Variants in PROS1 observed in about 807,000 individuals in gnomAD.
PROS1 encodes protein S, also known as vitamin K-dependent protein S.
PROS1 carries 29 observed loss-of-function variants against 75.9 expected under a neutral mutation model. The observed-to-expected ratio is 0.38, with a 90% CI of 0.28 to 0.52. PROS1 has a LOEUF of 0.52. Among genes scored for constraint, PROS1 ranks in the 20% least tolerant of loss-of-function variants. PROS1 has a pLI of 0.83. For synonymous variants in PROS1, 245 were observed against 280.6 expected (o/e 0.87, Z 1.27); for missense variants, 680 against 810.3 (o/e 0.84, Z 1.95).
chr3:93,940,291 T>G (rs1451105755), intron 1 of PROS1, among the ~76,000 whole-genome samples: 2 of 152,126 alleles, frequency 1.3e-5, no homozygotes, highest in African/African-American at 4.8e-5. Context: ...CACTGCCCGA[T>G]TGCCTCGGAA....
Position 93,884,859 on chromosome 3 carries a change from T to C in PROS1, c.1361A>G (p.Asn454Ser), listed in dbSNP as rs142464892. 6.2e-7 allele frequency: 1 copy of C among 1,613,230 alleles called. No individual in the cohort carries two copies. Among genetic ancestry groups the C allele is most frequent in the African/African-American group, 1.3e-5 (1 of 74,896 alleles). Reference sequence around the variant, plus strand: ...TCCAGAAGCTCCTTGCTTCATCAAATTCCAGCTTCGTATACATCCATCTAG... The same window carrying C: ...TCCAGAAGCTCCTTGCTTCATCAAACTCCAGCTTCGTATACATCCATCTAG... Reference protein sequence around the residue: ...PRLDGCIRSWNLMKQGASGIK... With the variant: ...PRLDGCIRSWSLMKQGASGIK... Residue 454 changes from asparagine to serine, a missense_variant, in exon 12 of 15, where the codon AAT becomes AGT. Coordinates refer to ENST00000394236, the MANE Select transcript of PROS1 (RefSeq NM_000313.4).
chr3:93,910,706 C>T lies in PROS1; in HGVS notation c.260-1G>A. On this transcript the variant is annotated splice_acceptor_variant, in intron 3 of 14. Coordinates refer to ENST00000394236, the MANE Select transcript of PROS1 (RefSeq NM_000313.4). LOFTEE classifies it high-confidence loss of function. ...CCAGTTTGAAAAGAGCGAAGACAAA[C>T]TGAAAATAAAAACAAACATAATCTT... 1 of 1,609,832 alleles carries T rather than the reference C, an allele frequency of 6.2e-7. No homozygotes were observed. Among genetic ancestry groups the T allele is most frequent in the Non-Finnish European group, 8.5e-7 (1 of 1,177,048 alleles).
At chr3:93,944,070 C>T (rs1443631469) in intron 1 of PROS1, among the ~76,000 whole-genome samples, 2 of 152,122 alleles carry the variant, frequency 1.3e-5, no homozygotes, top group African/African-American at 2.4e-5. Context: ...ATGAGTGTGA[C>T]AGTAAAATAA....
chr3:93,955,389 T>G (rs955811507), intron 1 of PROS1, among the ~76,000 whole-genome samples: 5 of 152,328 alleles, frequency 3.3e-5, no homozygotes, highest in Admixed American at 2.6e-4. Context: ...TGGAATACTA[T>G]GCAGTCATAA....
At chr3:93,965,064 TAGTC>T (rs1462168678) in intron 1 of PROS1, among the ~76,000 whole-genome samples, 3 of 152,112 alleles carry the variant, frequency 2.0e-5, no homozygotes, top group African/African-American at 4.8e-5. Context: ...GGTAAAGAAA[TAGTC>T]AATCAACTAT....
rs139368287 is a variant in PROS1 at position 93,973,451 on chromosome 3, T to A, written c.76+223A>T. 6.5e-4 allele frequency: 385 copies of A among 590,964 alleles called. 1 individual carries two copies. The East Asian group carries it at 0.011, about 17-fold the overall frequency. The allele number at this position is 590,964 out of a possible 1,614,324, so 36.6% of individuals were successfully genotyped here. A position where few individuals can be genotyped will look rare whatever the true frequency, so the allele number is the denominator to read the frequency against. On this transcript the variant is annotated intron_variant, in intron 1 of 14. Coordinates refer to ENST00000394236, the MANE Select transcript of PROS1 (RefSeq NM_000313.4). ...AGTGTCATCTAGGTTCTTAGATCTG[T>A]CCTGTAGGCAATACATTCTCGCAAC...
chr3:93,964,471 G>A (rs1709757136), intron 1 of PROS1, among the ~76,000 whole-genome samples: 1 of 152,122 alleles, frequency 6.6e-6, no homozygotes, highest in Non-Finnish European at 1.5e-5. Flanking sequence ...CTGGTCTCCT[G>A]CAGTACCCTC....
chr3:93,959,958 T>C (rs1456638014), intron 1 of PROS1, among the ~76,000 whole-genome samples: 1 of 152,176 alleles, frequency 6.6e-6, no homozygotes, highest in Non-Finnish European at 1.5e-5. Flanking sequence ...CCTCCCTCTA[T>C]CACAAAGTTT....
At chr3:93,876,675 A>C (rs1160319885) in intron 14 of PROS1, among the ~76,000 whole-genome samples, 1 of 151,936 alleles carries the variant, frequency 6.6e-6, no homozygotes, top group African/African-American at 2.4e-5. Context: ...AATTAGAACA[A>C]ATATTGAACT....
At chr3:93,956,563 A>ACACACACAAACAC (rs57080075) in intron 1 of PROS1, among the ~76,000 whole-genome samples, 10 of 128,306 alleles carry the variant, frequency 7.8e-5, no homozygotes, top group Non-Finnish European at 1.5e-4. Context: ...CACACACACA[A>ACACACACAAACAC]ACACACACAC....
At chr3:93,923,768 C>T (rs986187154) in intron 3 of PROS1, among the ~76,000 whole-genome samples, 3 of 151,978 alleles carry the variant, frequency 2.0e-5, no homozygotes, top group Admixed American at 2.0e-4. Context: ...GGTGTGGTGG[C>T]ACATGCCTGT....
intron 1 of PROS1, among the ~76,000 whole-genome samples, chr3:93,937,068 C>G (rs540515416): frequency 9.2e-5 from 14 of 152,172 alleles, no homozygotes; most frequent in Non-Finnish European, 1.9e-4. Flanking sequence ...GAGCCACAGA[C>G]AAAACCTCTC....
At chr3:93,900,966 C>A (rs913700126) in intron 6 of PROS1, 37 bp from the exon 7 acceptor site, 6 of 1,601,166 alleles carry the variant, frequency 3.7e-6, no homozygotes, top group South Asian at 1.1e-5. Context: ...AACATTTTTC[C>A]CATACCAGCA....
At chr3:93,942,597 C>T (rs1008489332) in intron 1 of PROS1, among the ~76,000 whole-genome samples, 32 of 152,216 alleles carry the variant, frequency 2.1e-4, no homozygotes, top group Non-Finnish European at 3.4e-4. Flanking sequence ...TATTCCCCCA[C>T]TGAAACGTTC....
At chr3:93,931,214 T>G (rs1468643610) in intron 1 of PROS1, among the ~76,000 whole-genome samples, 1 of 152,206 alleles carries the variant, frequency 6.6e-6, no homozygotes, top group Non-Finnish European at 1.5e-5. Context: ...TGCTACGAGT[T>G]GTGCTAATGG....
chr3:93,935,252 T>C (rs765695448), intron 1 of PROS1, among the ~76,000 whole-genome samples: 1 of 152,156 alleles, frequency 6.6e-6, no homozygotes, highest in Non-Finnish European at 1.5e-5. Flanking sequence ...AAACTGGTTA[T>C]GTTTCCTAAT....
chr3:93,914,011 T>C (rs1708800875), intron 3 of PROS1, among the ~76,000 whole-genome samples: 1 of 152,274 alleles, frequency 6.6e-6, no homozygotes, highest in Non-Finnish European at 1.5e-5. Context: ...CTTGACTCTA[T>C]GTCCTGACTT....
intron 1 of PROS1, among the ~76,000 whole-genome samples, chr3:93,945,450 A>C (rs1196590795): frequency 1.3e-5 from 2 of 152,320 alleles, no homozygotes; most frequent in South Asian, 2.1e-4. Flanking sequence ...CACATCAAAA[A>C]GCTATCCACC....
At chr3:93,944,485 C>A (rs1487275934) in intron 1 of PROS1, among the ~76,000 whole-genome samples, 1 of 152,136 alleles carries the variant, frequency 6.6e-6, no homozygotes, top group Admixed American at 6.5e-5. Context: ...CAAACTAGAA[C>A]TCAGGATTAA....
Sources: allele counts gnomAD v4.1 joint callset (sites outside exome capture counted in the v4.1 genomes callset), GRCh38; gene constraint gnomAD v4.1.1; transcripts MANE v1.5; gene names NCBI Gene and HGNC (gene_info 2026-07-23, HGNC 2026-07-21).